PLCB1: variants seen among roughly 807,000 people sequenced by gnomAD.
PLCB1 encodes the protein 1-phosphatidylinositol 4,5-bisphosphate phosphodiesterase beta-1.
Under a neutral mutation model 161.8 loss-of-function variants are expected in PLCB1, and 46 were observed. The observed-to-expected ratio is 0.28, with a 90% CI of 0.22 to 0.36. The LOEUF (loss-of-function observed/expected upper bound fraction) is 0.36, where lower values mean the gene tolerates loss of function less well. PLCB1 is among the 10% of genes least tolerant of loss of function. The pLI, the probability that PLCB1 is intolerant of heterozygous loss-of-function variation, is 1.00. For missense variants in PLCB1, 1,016 were observed against 1,472.5 expected (o/e 0.69, Z 5.07); for synonymous variants, 517 against 503.7 (o/e 1.03, Z -0.35).
At chr20:8,845,281 A>G (rs1986652259) in intron 31 of PLCB1, among the ~76,000 whole-genome samples, 1 of 152,108 alleles carries the variant, frequency 6.6e-6, no homozygotes, top group African/African-American at 2.4e-5. Flanking sequence ...ATATCTAAGC[A>G]TATTAGATCT....
chr20:8,485,369 C>T (rs1009959542), intron 3 of PLCB1, among the ~76,000 whole-genome samples: 2 of 152,192 alleles, frequency 1.3e-5, no homozygotes, highest in Non-Finnish European at 2.9e-5. Context: ...CCCTTGTTCT[C>T]GTGCTGATGA....
chr20:8,571,407 G>A (rs1025303574), intron 3 of PLCB1, among the ~76,000 whole-genome samples: 10 of 152,112 alleles, frequency 6.6e-5, no homozygotes, highest in African/African-American at 1.9e-4. Context: ...ACTTGAACTC[G>A]GGAGACAGAG....
At chr20:8,387,947 T>G (rs1199397824) in intron 3 of PLCB1, among the ~76,000 whole-genome samples, 8 of 145,164 alleles carry the variant, frequency 5.5e-5, no homozygotes, top group Non-Finnish European at 1.2e-4. Context: ...AATGGTAAAT[T>G]ATATATTATG....
chr20:8,235,556 A>G (rs1980273817), intron 2 of PLCB1, among the ~76,000 whole-genome samples: 1 of 152,158 alleles, frequency 6.6e-6, no homozygotes, highest in Non-Finnish European at 1.5e-5. Flanking sequence ...AACATCATAC[A>G]TGATAGTAAC....
At chr20:8,462,187 C>T (rs1033458217) in intron 3 of PLCB1, among the ~76,000 whole-genome samples, 2 of 152,108 alleles carry the variant, frequency 1.3e-5, no homozygotes, top group African/African-American at 2.4e-5. Context: ...GGTAACATTT[C>T]GCAAGTGTGC....
chr20:8,154,942 C>A (rs2051544587), intron 2 of PLCB1, among the ~76,000 whole-genome samples: 1 of 152,160 alleles, frequency 6.6e-6, no homozygotes, highest in Non-Finnish European at 1.5e-5. Context: ...ACTACCTCCC[C>A]ACTTTTTGCT....
chr20:8,846,469 C>T (rs1986695938), intron 31 of PLCB1, among the ~76,000 whole-genome samples: 1 of 152,162 alleles, frequency 6.6e-6, no homozygotes. Flanking sequence ...TGCTAATCAA[C>T]TTGAGGTTCT....
At chr20:8,393,753 T>C (rs1987679636) in intron 3 of PLCB1, among the ~76,000 whole-genome samples, 1 of 152,166 alleles carries the variant, frequency 6.6e-6, no homozygotes, top group Non-Finnish European at 1.5e-5. Context: ...ACTATGGGTC[T>C]CTTGGTCACA....
rs1334933670 is a variant in PLCB1, at chr20:8,729,050, A to G, written c.1764A>G (p.Glu588=). The G allele has an allele frequency of 1.2e-6, 2 of 1,605,290 alleles. No homozygotes were observed. The highest frequency in any genetic ancestry group is 1.3e-5 in the African/African-American group (1 of 74,802). ...TTCACTACTTAACATGATGGTCCAGATATAACAAAATGCAGCTTAGCAGGA... is the reference window on the plus strand; with the variant it reads ...TTCACTACTTAACATGATGGTCCAGGTATAACAAAATGCAGCTTAGCAGGA... ...QLTKSPVEFV[E]YNKMQLSRIY... is the part of the protein sequence containing the mutation. Residue 588 remains glutamate (E), a splice_region_variant and synonymous_variant, in exon 18 of 32, where the codon GAA becomes GAG. Coordinates refer to ENST00000338037, the MANE Select transcript of PLCB1 (RefSeq NM_015192.4).
chr20:8,161,055 G>A (rs1449804236), intron 2 of PLCB1, among the ~76,000 whole-genome samples: 2 of 151,864 alleles, frequency 1.3e-5, no homozygotes, highest in Non-Finnish European at 2.9e-5. Context: ...CATTATCCTT[G>A]TTATCCTTAG....
intron 25 of PLCB1, among the ~76,000 whole-genome samples, chr20:8,764,808 C>G (rs941738652): frequency 6.6e-6 from 1 of 152,208 alleles, no homozygotes; most frequent in African/African-American, 2.4e-5. Context: ...TCCCCAGCCC[C>G]GTCTGCTTTC....
intron 3 of PLCB1, among the ~76,000 whole-genome samples, chr20:8,500,715 T>C (rs949207616): frequency 1.3e-5 from 2 of 152,198 alleles, no homozygotes; most frequent in Non-Finnish European, 2.9e-5. Context: ...TTATTATACA[T>C]CCTTTATTAG....
chr20:8,489,255 A>G (rs564879211), intron 3 of PLCB1, among the ~76,000 whole-genome samples: 1 of 152,286 alleles, frequency 6.6e-6, no homozygotes, highest in East Asian at 1.9e-4. Context: ...AGATTTGCCT[A>G]GAGGATGGTG....
At chr20:8,685,129 CCAACCT>C (rs1568559997) in intron 10 of PLCB1, 51 bp downstream of exon 10, 2 of 1,522,190 alleles carry the variant, frequency 1.3e-6, no homozygotes, top group African/African-American at 2.7e-5. Context: ...CCAAATTTCA[CCAACCT>C]CTACTTTCTG....
intron 3 of PLCB1, among the ~76,000 whole-genome samples, chr20:8,476,995 G>T (rs1353855555): frequency 2.6e-5 from 4 of 152,138 alleles, no homozygotes; most frequent in African/African-American, 7.2e-5. Flanking sequence ...TCAGGAAACT[G>T]ATGGTCCATT....
intron 20 of PLCB1, among the ~76,000 whole-genome samples, chr20:8,738,243 A>C (rs1160978075): frequency 6.6e-6 from 1 of 152,214 alleles, no homozygotes; most frequent in African/African-American, 2.4e-5. Flanking sequence ...TGCAAAAGTC[A>C]TTTGCTTTGA....
intron 1 of PLCB1, among the ~76,000 whole-genome samples, chr20:8,133,311 G>T (rs553676719): frequency 1.3e-5 from 2 of 152,290 alleles, no homozygotes; most frequent in East Asian, 3.9e-4. Context: ...GCCTGGCTCC[G>T]GAGTGAGGGT....
chr20:8,543,631 A>AG (rs1985422288), intron 3 of PLCB1, among the ~76,000 whole-genome samples: 1 of 151,326 alleles, frequency 6.6e-6, no homozygotes, highest in Admixed American at 6.6e-5. Context: ...AAAAAAAAAA[A>AG]AAAACCTGTT....
At chr20:8,473,773 C>T (rs1982154822) in intron 3 of PLCB1, among the ~76,000 whole-genome samples, 4 of 152,152 alleles carry the variant, frequency 2.6e-5, no homozygotes, top group Admixed American at 2.0e-4. Context: ...TGTCATTATT[C>T]CTGAAGTGGA....
Sources: gnomAD v4.1 joint callset for allele counts (sites outside exome capture counted in the v4.1 genomes callset) on GRCh38, gnomAD v4.1.1 for gene constraint, MANE v1.5 for transcripts, NCBI Gene and HGNC (gene_info 2026-07-23, HGNC 2026-07-21) for gene names.